Variants in WDPCP observed in about 807,000 individuals in gnomAD.
WDPCP encodes the protein WD repeat-containing and planar cell polarity effector protein fritz homolog.
In WDPCP, 71 loss-of-function variants were observed where a neutral mutation model predicts 93.1. The observed-to-expected ratio is 0.76, with a 90% confidence interval of 0.63 to 0.93. The LOEUF is 0.93. Ranked by LOEUF, WDPCP falls within the 40% of genes least tolerant of loss-of-function variation. The pLI is 0.00. For synonymous variants in WDPCP, 315 were observed against 315.0 expected, an observed-to-expected ratio of 1.00 and a Z score of 0.00; for missense variants, 844 against 887.4, an observed-to-expected ratio of 0.95 and a Z score of 0.62.
intron 1 of WDPCP, among the ~76,000 whole-genome samples, chr2:63,574,337 T>C (rs547430532): frequency 1.9e-4 from 29 of 152,246 alleles, no homozygotes; most frequent in South Asian, 1.4e-3. Context: ...GGCCGACACT[T>C]AGGGAAGATA....
intron 10 of WDPCP, among the ~76,000 whole-genome samples, chr2:63,400,310 A>C (rs911576191): frequency 2.6e-5 from 4 of 152,216 alleles, no homozygotes; most frequent in African/African-American, 9.6e-5. Flanking sequence ...AAAGACTTAA[A>C]TATAAAACCC....
At chr2:63,767,816 T>C (rs1670166154) in intron 2 of WDPCP, among the ~76,000 whole-genome samples, 1 of 152,104 alleles carries the variant, frequency 6.6e-6, no homozygotes, top group Non-Finnish European at 1.5e-5. Context: ...TGTCTTTCTA[T>C]CAGCAAAATG....
intron 2 of WDPCP, among the ~76,000 whole-genome samples, chr2:63,772,230 C>A (rs1670239754): frequency 6.6e-6 from 1 of 152,026 alleles, no homozygotes; most frequent in African/African-American, 2.4e-5. Context: ...GCCATTCTGA[C>A]TGATGTGAGA....
intron 17 of WDPCP, among the ~76,000 whole-genome samples, chr2:63,143,483 TG>T (rs1269920815): frequency 6.6e-6 from 1 of 152,180 alleles, no homozygotes; most frequent in African/African-American, 2.4e-5. Flanking sequence ...CTGCGTACTT[TG>T]TTTTTTTTGT....
chr2:63,245,394 T>C (rs1011537287), intron 14 of WDPCP, among the ~76,000 whole-genome samples: 1 of 152,342 alleles, frequency 6.6e-6, no homozygotes, highest in South Asian at 2.1e-4. Context: ...GAAGCATTTA[T>C]ATTTATTGCA....
chr2:63,446,876 T>C (rs927445612), intron 6 of WDPCP, among the ~76,000 whole-genome samples: 5 of 152,204 alleles, frequency 3.3e-5, no homozygotes, highest in African/African-American at 1.2e-4. Flanking sequence ...TTCAGTCTCT[T>C]GAATAACTTA....
At chr2:63,198,408 A>G (rs1334489187) in intron 14 of WDPCP, among the ~76,000 whole-genome samples, 1 of 152,158 alleles carries the variant, frequency 6.6e-6, no homozygotes, top group East Asian at 1.9e-4. Flanking sequence ...CTTTCCAAAT[A>G]AATTTTACAA....
chr2:63,829,228 T>C (rs1671158891), upstream of WDPCP, among the ~76,000 whole-genome samples: 1 of 152,164 alleles, frequency 6.6e-6, no homozygotes, highest in African/African-American at 2.4e-5. Flanking sequence ...TACTCATCTT[T>C]ACTGTCTTTA....
chr2:63,549,879 T>C (rs1344270405), intron 1 of WDPCP, among the ~76,000 whole-genome samples: 2 of 152,104 alleles, frequency 1.3e-5, no homozygotes, highest in Middle Eastern at 3.2e-3. Context: ...CTGATCTTGT[T>C]GCTCCAAATA....
At chr2:63,644,705 G>T (rs1710028516) in intron 3 of WDPCP, among the ~76,000 whole-genome samples, 1 of 152,204 alleles carries the variant, frequency 6.6e-6, no homozygotes, top group South Asian at 2.1e-4. Context: ...TGGTCTGTTT[G>T]GGTTTTGGAT....
chr2:63,593,705 T>C (rs1709246012), upstream of WDPCP: 1 of 471,188 alleles, frequency 2.1e-6, no homozygotes, highest in African/African-American at 2.0e-5. Flanking sequence ...TAACTGAATT[T>C]TTCTGTCTAA....
intron 17 of WDPCP, among the ~76,000 whole-genome samples, chr2:63,147,234 T>C (rs1671579245): frequency 6.6e-6 from 1 of 152,144 alleles, no homozygotes; most frequent in Admixed American, 6.5e-5. Context: ...TAGGTTACTT[T>C]AGCAGCATTG....
chr2:63,522,648 G>T (rs1703031949), intron 1 of WDPCP, among the ~76,000 whole-genome samples: 1 of 152,060 alleles, frequency 6.6e-6, no homozygotes, highest in Non-Finnish European at 1.5e-5. Context: ...TTGCCCCACA[G>T]AAATACCAAA....
chr2:63,674,891 C>T (rs1710387250), intron 2 of WDPCP, among the ~76,000 whole-genome samples: 1 of 152,160 alleles, frequency 6.6e-6, no homozygotes, highest in African/African-American at 2.4e-5. Context: ...ATCTGGTCCA[C>T]CCTAAGATCT....
At chr2:63,361,839 A>G (rs1372665551) in intron 12 of WDPCP, among the ~76,000 whole-genome samples, 1 of 152,204 alleles carries the variant, frequency 6.6e-6, no homozygotes, top group Non-Finnish European at 1.5e-5. Context: ...TGAGGCATCC[A>G]AGCTCCAAGA....
At chr2:63,539,080 A>G (rs2106291801) in intron 1 of WDPCP, among the ~76,000 whole-genome samples, 1 of 152,338 alleles carries the variant, frequency 6.6e-6, no homozygotes, top group Non-Finnish European at 1.5e-5. Flanking sequence ...ATATTGTTTA[A>G]ATGTTTGTTG....
chr2:63,790,613 T>C (rs1173179034), intron 2 of WDPCP, among the ~76,000 whole-genome samples: 2 of 152,136 alleles, frequency 1.3e-5, no homozygotes, highest in Non-Finnish European at 2.9e-5. Flanking sequence ...GTAGGATAAG[T>C]TCAGCTCATG....
At chr2:63,759,685 T>C (rs1309727784) in intron 2 of WDPCP, among the ~76,000 whole-genome samples, 2 of 152,164 alleles carry the variant, frequency 1.3e-5, no homozygotes, top group Non-Finnish European at 2.9e-5. Flanking sequence ...AACTACTGGG[T>C]TTCTCCTCCC....
intron 6 of WDPCP, among the ~76,000 whole-genome samples, chr2:63,483,416 T>C (rs1700384404): frequency 6.6e-6 from 1 of 150,926 alleles, no homozygotes; most frequent in South Asian, 2.1e-4. Context: ...AGAAGTATTA[T>C]AATTCTCAAA....
Sources: allele counts gnomAD v4.1 joint callset (sites outside exome capture counted in the v4.1 genomes callset), GRCh38; gene constraint gnomAD v4.1.1; transcripts MANE v1.5; gene names NCBI Gene and HGNC (gene_info 2026-07-23, HGNC 2026-07-21).